EVC2: variants seen among roughly 807,000 people sequenced by gnomAD.
EVC2 encodes limbin.
EVC2 carries 148 observed loss-of-function variants against 149.3 expected under a neutral mutation model. The observed-to-expected ratio is 0.99, with a 90% CI of 0.87 to 1.14. The LOEUF is 1.14. Ranked by LOEUF, EVC2 falls within the 50% of genes most tolerant of loss-of-function variation. The pLI, the probability that EVC2 is intolerant of heterozygous loss-of-function variation, is 0.00. For synonymous variants in EVC2, 776 were observed against 649.9 expected (o/e 1.19, Z -2.95); for missense variants, 1,854 against 1,627.3 (o/e 1.14, Z -2.40).
chr4:5,709,201 C>T (rs914142619), upstream of EVC2: 1 of 152,298 alleles, frequency 6.6e-6, no homozygotes, highest in Admixed American at 6.5e-5. Flanking sequence ...AAGTCGCAGC[C>T]CTAAGCAAGC....
intron 16 of EVC2, among the ~76,000 whole-genome samples, chr4:5,596,214 C>A (rs557595134): frequency 1.3e-5 from 2 of 152,128 alleles, no homozygotes; most frequent in Non-Finnish European, 2.9e-5. Flanking sequence ...CTGCACCAAG[C>A]GGACCTAACA....
chr4:5,668,942 TCA>T (rs1021065121), intron 7 of EVC2, among the ~76,000 whole-genome samples: 3 of 152,138 alleles, frequency 2.0e-5, no homozygotes, highest in Non-Finnish European at 2.9e-5. Context: ...TCATACTGGG[TCA>T]CAGTGAGTCC....
intron 9 of EVC2, among the ~76,000 whole-genome samples, chr4:5,650,072 G>T (rs1478360200): frequency 6.6e-6 from 1 of 152,108 alleles, no homozygotes; most frequent in Admixed American, 6.5e-5. Context: ...ATCTTTCTTC[G>T]CTGACAATTT....
At position 5,567,145 on chromosome 4, in the gene EVC2, C is replaced by T. The variant is rs1722335731; in HGVS notation, c.3557+1299G>A. Reference sequence around the variant, plus strand: ...CCCTCTGACCACGCCAACAACCAGACCTCTGACCCCCTAACATGCAGCCAG... The same window carrying T: ...CCCTCTGACCACGCCAACAACCAGATCTCTGACCCCCTAACATGCAGCCAG... On this transcript the variant is annotated intron_variant, in intron 20 of 21. Transcript: ENST00000344408. This position sits in a 1 kb window ranked among gnomAD's most constrained non-coding sequence, Gnocchi z 4.4. Among the ~76,000 whole-genome samples the T allele has an allele frequency of 6.6e-6, 1 of 152,040 alleles. No homozygotes were observed. The highest frequency in any genetic ancestry group is 6.6e-5 in the Admixed American group (1 of 15,258).
At chr4:5,592,745 G>C (rs578246284) in intron 16 of EVC2, among the ~76,000 whole-genome samples, 4 of 152,324 alleles carry the variant, frequency 2.6e-5, no homozygotes, top group African/African-American at 9.6e-5. Context: ...AAAGCCTCAA[G>C]TGAGCATGTG....
At chr4:5,665,385 G>C in intron 8 of EVC2, 130 bp downstream of exon 8, 1 of 1,392,968 alleles carries the variant, frequency 7.2e-7, no homozygotes, top group South Asian at 1.2e-5. Context: ...GGTGGGCCCT[G>C]GGCATGGGTT....
chr4:5,563,140 T>G, intron 21 of EVC2, 25 bp from the exon 22 acceptor site: 4 of 1,607,092 alleles, frequency 2.5e-6, no homozygotes, highest in Non-Finnish European at 3.4e-6. Flanking sequence ...AAAGATCAAA[T>G]TCAATATTTT....
rs79207049 is a variant in EVC2 at position 5,575,212 on chromosome 4, G to C, written c.3273-440C>G. On this transcript the variant is annotated intron_variant, in intron 18 of 21. Transcript: ENST00000344408. ...AGGCTTCCTGACGCCCACACGAGGG[G>C]GTCTGCTTAACACATGCCTTAGCTA... is the stretch of plus-strand genomic sequence containing the variant. Among the ~76,000 whole-genome samples, 88 of 152,238 alleles carry C rather than the reference G, an allele frequency of 5.8e-4. No homozygotes were observed. The East Asian group carries it at 0.012, about 21-fold the overall frequency.
chr4:5,536,701 G>A, the EVC2 span, among the ~76,000 whole-genome samples: 16 of 151,942 alleles, frequency 1.1e-4, no homozygotes, highest in East Asian at 2.3e-3. Flanking sequence ...GGAGAATGGC[G>A]TGAACCCAGG....
intron 16 of EVC2, among the ~76,000 whole-genome samples, chr4:5,602,106 TC>T (rs2108811921): frequency 6.6e-6 from 1 of 151,918 alleles, no homozygotes; most frequent in South Asian, 2.1e-4. Context: ...GAGAAACCTG[TC>T]CCTATAAAAA....
At chr4:5,581,084 C>T (rs541839554) in intron 17 of EVC2, among the ~76,000 whole-genome samples, 10 of 152,368 alleles carry the variant, frequency 6.6e-5, no homozygotes, top group African/African-American at 2.2e-4. Context: ...GCAGATGCAT[C>T]ATGCTTCCTG....
At chr4:5,530,829 G>C in the EVC2 span, among the ~76,000 whole-genome samples, 1 of 152,116 alleles carries the variant, frequency 6.6e-6, no homozygotes, top group Admixed American at 6.5e-5. Flanking sequence ...TGGTGAATAA[G>C]GTTTCAGTAA....
At chr4:5,656,730 C>T (rs559848300) in intron 9 of EVC2, among the ~76,000 whole-genome samples, 1 of 152,314 alleles carries the variant, frequency 6.6e-6, no homozygotes, top group East Asian at 1.9e-4. Context: ...CATGGCCCTG[C>T]TGATACCTTG....
downstream of EVC2, among the ~76,000 whole-genome samples, chr4:5,559,428 C>G (rs1432784158): frequency 1.3e-5 from 2 of 152,134 alleles, no homozygotes; most frequent in Non-Finnish European, 2.9e-5. This position sits in a 1 kb window ranked among gnomAD's most constrained non-coding sequence, Gnocchi z 5.0. Flanking sequence ...ACTCCAGTAG[C>G]AATAAGCACA....
Position 5,576,297 on chromosome 4 carries a change from G to A in EVC2, c.3215C>T (p.Thr1072Ile), listed in dbSNP as rs753230285. The A allele has an allele frequency of 1.9e-6, 3 of 1,614,188 alleles. No individual in the cohort carries two copies. Among genetic ancestry groups the A allele is most frequent in the Middle Eastern group, 1.6e-4 (1 of 6,062 alleles). ...CTTGCTCAGGGCTTGGTGCAGGACA[G>A]TAGAGACCTGCCTTTCAGAATCCAC... ...GEVDSERQVSTVLHQALSKSQ... is the reference protein window; with the variant it reads ...GEVDSERQVSIVLHQALSKSQ... Residue 1072 changes from threonine (T) to isoleucine (I), a missense_variant, in exon 18 of 22, where the codon ACT becomes ATT. By Grantham distance (89) the Thr-to-Ile change is moderately conservative. Coordinates refer to ENST00000344408, the MANE Select transcript of EVC2 (RefSeq NM_147127.5). This position sits in a 1 kb window ranked among gnomAD's most constrained non-coding sequence, Gnocchi z 4.5.
At chr4:5,549,740 C>G (rs1560117012) in intron 21 of EVC2, among the ~76,000 whole-genome samples, 3 of 152,112 alleles carry the variant, frequency 2.0e-5, no homozygotes, top group African/African-American at 7.2e-5. Flanking sequence ...AAGTAAATAA[C>G]TGAATGAATT....
chr4:5,631,493 T>C (rs990195451), intron 11 of EVC2, among the ~76,000 whole-genome samples: 5 of 151,682 alleles, frequency 3.3e-5, no homozygotes, highest in Non-Finnish European at 5.9e-5. Context: ...GGGCATTCTA[T>C]CACACTCATC....
At chr4:5,692,873 C>CA (rs1162271018) in intron 3 of EVC2, among the ~76,000 whole-genome samples, 3,567 of 36,270 alleles carry the variant, frequency 0.098, 424 homozygotes, top group African/African-American at 0.22. Context: ...GACTCCGTCT[C>CA]AAAAAAAAAA....
rs867888556 is a variant in EVC2 at position 5,706,322 on chromosome 4, A to T, written c.228+1964T>A. Among the ~76,000 whole-genome samples the T allele has an allele frequency of 4.8e-3, 576 of 120,556 alleles. 32 individuals are homozygous for T. Among genetic ancestry groups the T allele is most frequent in the African/African-American group, 0.019 (506 of 26,348 alleles). 79.1% of individuals were successfully genotyped at this position (120,556 alleles called of 152,430 possible). A position where few individuals can be genotyped will look rare whatever the true frequency, so the allele number is the denominator to read the frequency against. ...GATAGATACATAGATAGATAGATAC[A>T]TAGATAGATAGATAGATACATAGAT... is the stretch of plus-strand genomic sequence containing the variant. On this transcript the variant is annotated intron_variant, in intron 1 of 21. Transcript: ENST00000344408.
Sources: gnomAD v4.1 joint callset for allele counts (sites outside exome capture counted in the v4.1 genomes callset) on GRCh38, gnomAD v4.1.1 for gene constraint, Gnocchi (gnomAD v3.1) non-coding constraint, MANE v1.5 for transcripts, NCBI Gene and HGNC (gene_info 2026-07-23, HGNC 2026-07-21) for gene names.